FARP2: variants seen among roughly 807,000 people sequenced by gnomAD.
The protein encoded by FARP2 is FERM, ARH/RhoGEF and pleckstrin domain protein 2.
A neutral mutation model predicts 130.5 loss-of-function variants in FARP2; 111 were observed. The ratio of observed to expected loss-of-function variants is 0.85; its 90% confidence interval spans 0.73 to 1.00. The LOEUF (loss-of-function observed/expected upper bound fraction) is 1.00. FARP2 is among the 50% of genes least tolerant of loss of function. The probability of loss-of-function intolerance (pLI) is 0.00; values close to 1 mark genes in which losing one functional copy is unlikely to be tolerated. For synonymous variants in FARP2, 504 were observed against 516.9 expected, an observed-to-expected ratio of 0.98 and a Z score of 0.34; for missense variants, 1,385 against 1,346.3, an observed-to-expected ratio of 1.03 and a Z score of -0.45.
At chr2:241,406,634 G>A (rs1337649036) in intron 4 of FARP2, among the ~76,000 whole-genome samples, 1 of 151,310 alleles carries the variant, frequency 6.6e-6, no homozygotes, top group Non-Finnish European at 1.5e-5. Flanking sequence ...TTTTGGGGGG[G>A]AGAGGGGCGG....
intron 2 of FARP2, among the ~76,000 whole-genome samples, chr2:241,383,521 G>A (rs942942879): frequency 1.3e-5 from 2 of 152,198 alleles, no homozygotes; most frequent in African/African-American, 4.8e-5. Flanking sequence ...GAGCAGAGAG[G>A]CATCTAGGAG....
At chr2:241,490,820 G>A (rs574706529) in intron 22 of FARP2, among the ~76,000 whole-genome samples, 6 of 152,160 alleles carry the variant, frequency 3.9e-5, no homozygotes, top group South Asian at 2.1e-4. Context: ...TTCTAGGACC[G>A]GGGCCCTGCC....
intron 13 of FARP2, among the ~76,000 whole-genome samples, chr2:241,451,600 G>A (rs2063659451): frequency 6.6e-6 from 1 of 152,190 alleles, no homozygotes; most frequent in Non-Finnish European, 1.5e-5. Flanking sequence ...CTCAGAGCAA[G>A]ACTGATTCTT....
Position 241,413,343 on chromosome 2 carries a change from A to G in FARP2, c.545A>G (p.Glu182Gly). ...IGDYDETLDR[E>G]HLKVNEYLPG... Reference sequence around the variant, plus strand: ...GATTACGATGAAACGCTGGACCGAGAGCACCTCAAAGTGAACGAGTATTTG... The same window carrying G: ...GATTACGATGAAACGCTGGACCGAGGGCACCTCAAAGTGAACGAGTATTTG... Residue 182 changes from glutamate to glycine, a missense_variant, in exon 7 of 27, where the codon GAG (glutamate) becomes GGG (glycine). Glu to Gly is a moderately conservative substitution (Grantham distance 98, BLOSUM62 -2). Coordinates refer to ENST00000264042, the MANE Select transcript of FARP2 (RefSeq NM_014808.4). 6.2e-7 allele frequency: 1 copy of G among 1,612,216 alleles called. No homozygotes were observed. Among genetic ancestry groups the G allele is most frequent in the South Asian group, 1.1e-5 (1 of 90,212 alleles).
At chr2:241,357,300 G>A (rs1021971390) in intron 1 of FARP2, among the ~76,000 whole-genome samples, 4 of 152,186 alleles carry the variant, frequency 2.6e-5, no homozygotes, top group African/African-American at 2.4e-5. Context: ...CCCTGAGGTG[G>A]CAGTGGGTTA....
chr2:241,373,053 C>G, intron 1 of FARP2, 31 bp from the exon 2 acceptor site: 1 of 1,175,014 alleles, frequency 8.5e-7, no homozygotes, highest in Non-Finnish European at 1.1e-6. Context: ...GTGATAATTC[C>G]TTCATGTGGT....
At chr2:241,479,966 C>T (rs776873399) in intron 19 of FARP2, among the ~76,000 whole-genome samples, 3 of 152,236 alleles carry the variant, frequency 2.0e-5, no homozygotes, top group South Asian at 2.1e-4. Flanking sequence ...TTTGGGACTT[C>T]AGTCGACCTT....
In FARP2 at chr2:241,489,952, C is replaced by G. The variant is rs767706570; in HGVS notation, c.2422-10C>G. 1.2e-6 allele frequency: 2 copies of G among 1,600,890 alleles called. No individual in the cohort carries two copies. Among genetic ancestry groups the G allele is most frequent in the Non-Finnish European group, 1.7e-6 (2 of 1,168,012 alleles). On this transcript the variant is annotated splice_polypyrimidine_tract_variant and intron_variant, in intron 21 of 26. Coordinates refer to ENST00000264042, the MANE Select transcript of FARP2 (RefSeq NM_014808.4). ...GGCCACAAGACTTGGACCGTTTCTC[C>G]CACCCACAGGTGGAAGAAAGTGATA...
chr2:241,442,436 C>T (rs1299636476), intron 13 of FARP2: 2 of 456,686 alleles, frequency 4.4e-6, no homozygotes, highest in Non-Finnish European at 4.4e-6. Flanking sequence ...TTCAGCAACC[C>T]TTTTGCACAC....
intron 13 of FARP2, among the ~76,000 whole-genome samples, chr2:241,447,316 TG>T (rs1391247791): frequency 6.6e-6 from 1 of 152,214 alleles, no homozygotes; most frequent in Non-Finnish European, 1.5e-5. Flanking sequence ...ATGACTCTTG[TG>T]CAGATTGTCT....
At chr2:241,407,059 C>T (rs559175562) in intron 4 of FARP2, among the ~76,000 whole-genome samples, 4 of 152,154 alleles carry the variant, frequency 2.6e-5, no homozygotes, top group East Asian at 1.9e-4. Flanking sequence ...CCGCCCCCCT[C>T]AGCCTCCCAA....
intron 13 of FARP2, among the ~76,000 whole-genome samples, chr2:241,450,278 G>A (rs942605407): frequency 6.6e-6 from 1 of 151,520 alleles, no homozygotes; most frequent in African/African-American, 2.4e-5. Context: ...TGGGAGGATC[G>A]AGCCTGGAGG....
chr2:241,478,611 G>A (rs561460975), intron 19 of FARP2: 144 of 509,840 alleles, frequency 2.8e-4, no homozygotes, highest in African/African-American at 9.6e-4. Flanking sequence ...TACCTGAGAC[G>A]TGGCAAGCTG....
intron 13 of FARP2, among the ~76,000 whole-genome samples, chr2:241,450,450 G>T (rs4675955): frequency 0.76 from 114,209 of 151,084 alleles, 43,214 homozygotes; most frequent in Admixed American, 0.83. Flanking sequence ...GGCGGATCAC[G>T]AGGTCAGGAG....
At chr2:241,448,035 G>T (rs2063552013) in intron 13 of FARP2, among the ~76,000 whole-genome samples, 1 of 151,858 alleles carries the variant, frequency 6.6e-6, no homozygotes, top group South Asian at 2.1e-4. Flanking sequence ...CTCAGCAATT[G>T]TACCTGCCAC....
chr2:241,492,817 C>G (rs1020111703), intron 24 of FARP2, 112 bp from the exon 25 acceptor site: 4 of 667,444 alleles, frequency 6.0e-6, no homozygotes, highest in East Asian at 2.6e-5. Flanking sequence ...GAGGTAAAAC[C>G]AAGGCCTCAG....
intron 5 of FARP2, among the ~76,000 whole-genome samples, chr2:241,408,358 C>T (rs2062421290): frequency 2.0e-5 from 3 of 150,752 alleles, no homozygotes; most frequent in Non-Finnish European, 3.0e-5. Flanking sequence ...GGTGACAGAG[C>T]GAGACTCCGT....
intron 2 of FARP2, among the ~76,000 whole-genome samples, chr2:241,384,735 AC>A (rs1185386393): frequency 6.6e-6 from 1 of 152,008 alleles, no homozygotes; most frequent in East Asian, 1.9e-4. Context: ...CAGAAGAAAA[AC>A]CTCTTTTTTA....
intron 1 of FARP2, among the ~76,000 whole-genome samples, chr2:241,367,139 G>C (rs570123930): frequency 6.6e-6 from 1 of 152,200 alleles, no homozygotes; most frequent in Admixed American, 6.5e-5. Context: ...CAGCCATCCT[G>C]AAGCGCCTGC....
Sources: allele counts gnomAD v4.1 joint callset (sites outside exome capture counted in the v4.1 genomes callset), GRCh38; gene constraint gnomAD v4.1.1; transcripts MANE v1.5; gene names NCBI Gene and HGNC (gene_info 2026-07-23, HGNC 2026-07-21).